Variants in RSPO4 observed in about 807,000 individuals in gnomAD.
RSPO4 encodes the protein R-spondin-4.
A neutral mutation model predicts 24.8 loss-of-function variants in RSPO4; 23 were observed. The ratio of observed to expected loss-of-function variants is 0.93; its 90% CI spans 0.67 to 1.31. RSPO4 has a LOEUF of 1.31. RSPO4 is among the 40% of genes most tolerant of loss of function. RSPO4 has a pLI of 0.00. For missense variants in RSPO4, 333 were observed against 316.5 expected, an observed-to-expected ratio of 1.05 and a Z score of -0.39; for synonymous variants, 141 against 127.4, an observed-to-expected ratio of 1.11 and a Z score of -0.72.
intron 4 of RSPO4, among the ~76,000 whole-genome samples, chr20:960,799 A>G (rs890190985): frequency 1.3e-5 from 2 of 152,156 alleles, no homozygotes; most frequent in African/African-American, 4.8e-5. Flanking sequence ...GGGAGTCCCC[A>G]TGGCTTTCCC....
At chr20:963,454 G>C (rs1355787246) in intron 4 of RSPO4, among the ~76,000 whole-genome samples, 1 of 152,072 alleles carries the variant, frequency 6.6e-6, no homozygotes, top group East Asian at 1.9e-4. Flanking sequence ...ACGTACTTGG[G>C]GCGCTGACCA....
chr20:960,803 C>T (rs1235447841), intron 4 of RSPO4, among the ~76,000 whole-genome samples: 4 of 152,224 alleles, frequency 2.6e-5, no homozygotes, highest in African/African-American at 9.6e-5. Flanking sequence ...GTCCCCATGG[C>T]TTTCCCCGGC....
chr20:1,001,282 C>T (rs907201644), intron 1 of RSPO4, among the ~76,000 whole-genome samples: 2 of 152,210 alleles, frequency 1.3e-5, no homozygotes, highest in African/African-American at 4.8e-5. Context: ...CTCACTTGCT[C>T]ACCCGCTTAC....
rs1983925410 is a variant in RSPO4, at chr20:959,785, G to T, written c.*572C>A. On this transcript the variant is annotated 3_prime_UTR_variant, in exon 5 of 5. Coordinates refer to ENST00000217260, the MANE Select transcript of RSPO4 (RefSeq NM_001029871.4). ...GCTGTGGAAATGGCCTCTGGGGACT[G>T]TCCAGAGAACCAGGTGCTCACAGCT... 6.5e-6 allele frequency: 1 copy of T among 154,486 alleles called. No individual in the cohort carries two copies. The highest frequency in any genetic ancestry group is 1.4e-5 in the Non-Finnish European group (1 of 69,624). The allele number at this position is 154,486 out of a possible 1,614,324, so 9.6% of individuals were successfully genotyped here.
chr20:984,439 T>C (rs547536257), intron 1 of RSPO4, among the ~76,000 whole-genome samples: 66 of 152,230 alleles, frequency 4.3e-4, no homozygotes, highest in Non-Finnish European at 6.9e-4. Context: ...GGTCTAAAAG[T>C]CAGCGCTGAC....
intron 3 of RSPO4, among the ~76,000 whole-genome samples, chr20:965,410 G>T (rs1201026546): frequency 6.6e-6 from 1 of 152,222 alleles, no homozygotes; most frequent in Non-Finnish European, 1.5e-5. Context: ...AAATGATGGG[G>T]GTGGAAAGGC....
intron 3 of RSPO4, among the ~76,000 whole-genome samples, chr20:966,411 A>G (rs6086703): frequency 0.066 from 10,075 of 152,018 alleles, 392 homozygotes; most frequent in East Asian, 0.15. Flanking sequence ...TTATCCTCAT[A>G]ACAATTCCTC....
At chr20:976,797 T>A (rs553785857) in intron 1 of RSPO4, among the ~76,000 whole-genome samples, 1 of 152,060 alleles carries the variant, frequency 6.6e-6, no homozygotes. Context: ...CCTAGCCCCA[T>A]ACATTTTTTT....
intron 1 of RSPO4, among the ~76,000 whole-genome samples, chr20:988,433 C>A (rs1329608053): frequency 1.3e-5 from 2 of 152,058 alleles, no homozygotes; most frequent in African/African-American, 4.8e-5. Context: ...GTGGGTGGAT[C>A]CAGGGAGGGT....
At chr20:990,488 T>C (rs987597718) in intron 1 of RSPO4, among the ~76,000 whole-genome samples, 1 of 151,026 alleles carries the variant, frequency 6.6e-6, no homozygotes, top group African/African-American at 2.5e-5. Context: ...CTTCTTTCCT[T>C]CCTTCCCTCC....
chr20:974,479 C>G (rs1186761787), intron 1 of RSPO4, among the ~76,000 whole-genome samples: 1 of 152,242 alleles, frequency 6.6e-6, no homozygotes, highest in Non-Finnish European at 1.5e-5. Context: ...CTAACAGAGG[C>G]TCTGCTCCTC....
At chr20:975,891 G>C (rs925994990) in intron 1 of RSPO4, among the ~76,000 whole-genome samples, 14 of 152,090 alleles carry the variant, frequency 9.2e-5, no homozygotes, top group Non-Finnish European at 1.8e-4. Context: ...TAAAGGAGAT[G>C]GTACGTGAAA....
intron 1 of RSPO4, among the ~76,000 whole-genome samples, chr20:988,088 A>AGTG (rs1445592282): frequency 3.3e-5 from 5 of 152,262 alleles, no homozygotes; most frequent in Non-Finnish European, 7.3e-5. Context: ...CGGAGGGACC[A>AGTG]GTGGGTACAA....
chr20:994,301 C>A (rs987662950), intron 1 of RSPO4, among the ~76,000 whole-genome samples: 2 of 152,128 alleles, frequency 1.3e-5, no homozygotes, highest in Non-Finnish European at 2.9e-5. Context: ...AGGGTCCACC[C>A]CCAGGGCTGT....
intron 3 of RSPO4, among the ~76,000 whole-genome samples, chr20:964,739 CACACATATATAT>C (rs1229031807): frequency 6.0e-5 from 9 of 149,142 alleles, no homozygotes; most frequent in Non-Finnish European, 1.2e-4. Context: ...TATACACACA[CACACATATATAT>C]ACACATATAT....
At position 989,070 on chromosome 20, in the gene RSPO4, G is replaced by A. The variant is rs530459068; in HGVS notation, c.79+13016C>T. Among the ~76,000 whole-genome samples, 52 of 152,040 alleles carry A rather than the reference G, an allele frequency of 3.4e-4. 1 individual carries two copies. The South Asian group carries it at 0.011, about 31-fold the overall frequency. ...ATTTTAAGCAGACTGCATACCCTCC[G>A]GCCCCCATCTCCCAAGCTGGTGTGA... On this transcript the variant is annotated intron_variant, in intron 1 of 4. Transcript: ENST00000217260.
At chr20:998,096 G>A (rs1324978632) in intron 1 of RSPO4, among the ~76,000 whole-genome samples, 5 of 152,212 alleles carry the variant, frequency 3.3e-5, no homozygotes, top group Non-Finnish European at 5.9e-5. Context: ...GAAGGCATGT[G>A]GCCTGCTTAA....
In RSPO4 at chr20:970,112, G is replaced by C. The variant is rs949957449; in HGVS notation, c.80-1974C>G. 3.3e-5 allele frequency among the ~76,000 whole-genome samples: 5 copies of C among 152,270 alleles called. No individual in the cohort carries two copies. The South Asian group carries it at 6.2e-4, about 19-fold the overall frequency. ...CCTCCTTTAAGTTGGCAGCAGGTGAGAGCTAACGAAAGCCCGGTCAGATAC... is the reference window on the plus strand; with the variant it reads ...CCTCCTTTAAGTTGGCAGCAGGTGACAGCTAACGAAAGCCCGGTCAGATAC... On this transcript the variant is annotated intron_variant, in intron 1 of 4. Transcript: ENST00000217260. This position sits in a 1 kb window ranked among gnomAD's most constrained non-coding sequence, Gnocchi z 4.1.
intron 1 of RSPO4, among the ~76,000 whole-genome samples, chr20:994,477 AC>A (rs1412135833): frequency 6.6e-6 from 1 of 152,184 alleles, no homozygotes; most frequent in African/African-American, 2.4e-5. Context: ...CTTAAGAGGC[AC>A]CCAGCCCTGG....
Sources: gnomAD v4.1 joint callset for allele counts (sites outside exome capture counted in the v4.1 genomes callset) on GRCh38, gnomAD v4.1.1 for gene constraint, Gnocchi (gnomAD v3.1) non-coding constraint, MANE v1.5 for transcripts, NCBI Gene and HGNC (gene_info 2026-07-23, HGNC 2026-07-21) for gene names.